Variants in POU2F1 observed in about 807,000 individuals in gnomAD.
POU2F1 encodes the protein POU class 2 homeobox 1.
Under a neutral mutation model 84.9 loss-of-function variants are expected in POU2F1, and 16 were observed. That is an observed-to-expected ratio of 0.19 (90% CI 0.13 to 0.29). POU2F1 has a LOEUF of 0.29. Among genes scored for constraint, POU2F1 ranks in the 10% least tolerant of loss-of-function variants. The pLI, the probability that POU2F1 is intolerant of heterozygous loss-of-function variation, is 1.00. For synonymous variants in POU2F1, 368 were observed against 368.3 expected (o/e 1.00, Z 0.01); for missense variants, 738 against 942.6 (o/e 0.78, Z 2.84).
In POU2F1 at chr1:167,287,356, C is replaced by G. The variant is rs191645364; in HGVS notation, c.62-45114C>G. On this transcript the variant is annotated intron_variant, in intron 1 of 15. Transcript: ENST00000367866. ...ACTGGAGCAGAGGCAAATATATGGCCTTTCTGAAGGAATGTGCTTTCAACA... is the reference window on the plus strand; with the variant it reads ...ACTGGAGCAGAGGCAAATATATGGCGTTTCTGAAGGAATGTGCTTTCAACA... Among the ~76,000 whole-genome samples the G allele has an allele frequency of 6.6e-3, 1,009 of 152,296 alleles. 5 individuals are homozygous for G. Among genetic ancestry groups the G allele is most frequent in the Middle Eastern group, 0.014 (4 of 294 alleles).
rs75351126 is a variant in POU2F1, at chr1:167,276,400, C to A, written c.61+55442C>A. Among the ~76,000 whole-genome samples the A allele has an allele frequency of 1.6e-4, 24 of 152,090 alleles. No homozygotes were observed. In the East Asian group the frequency reaches 2.9e-3, roughly 18 times the overall value. On this transcript the variant is annotated intron_variant, in intron 1 of 15. Transcript: ENST00000367866. Reference sequence around the variant, plus strand: ...TTATTATAACTTCTATTTTATTATTCTTATTGTTAATCTTACTATGCCTAA... The same window carrying A: ...TTATTATAACTTCTATTTTATTATTATTATTGTTAATCTTACTATGCCTAA...
At chr1:167,234,277 G>C (rs991804411) in intron 1 of POU2F1, among the ~76,000 whole-genome samples, 1 of 152,138 alleles carries the variant, frequency 6.6e-6, no homozygotes, top group Non-Finnish European at 1.5e-5. Flanking sequence ...TCTTATCTCT[G>C]TATTGCATTT....
At chr1:167,240,665 C>G (rs558916075) in intron 1 of POU2F1, among the ~76,000 whole-genome samples, 5 of 152,252 alleles carry the variant, frequency 3.3e-5, no homozygotes, top group South Asian at 4.1e-4. Flanking sequence ...TTTTAATTCA[C>G]TTTTTCTTGT....
intron 1 of POU2F1, among the ~76,000 whole-genome samples, chr1:167,299,138 G>A (rs1489183313): frequency 7.2e-6 from 1 of 138,404 alleles, no homozygotes; most frequent in Admixed American, 7.9e-5. Flanking sequence ...ACTCCAGCCT[G>A]GACAACAAGA....
At chr1:167,376,292 T>G (rs1027678052) in intron 7 of POU2F1, 137 bp downstream of exon 7, 11 of 1,132,616 alleles carry the variant, frequency 9.7e-6, no homozygotes, top group South Asian at 5.4e-5. Flanking sequence ...TTATAAACTT[T>G]CGTTTAAAAA....
chr1:167,305,838 A>G (rs769081312), intron 1 of POU2F1, among the ~76,000 whole-genome samples: 1 of 152,194 alleles, frequency 6.6e-6, no homozygotes, highest in Non-Finnish European at 1.5e-5. Context: ...GTACACTTCT[A>G]CCACTCATCC....
chr1:167,267,083 T>C (rs889081885), intron 1 of POU2F1, among the ~76,000 whole-genome samples: 1 of 152,118 alleles, frequency 6.6e-6, no homozygotes, highest in Non-Finnish European at 1.5e-5. Context: ...AGTATTGTGA[T>C]CAGTATTATT....
At chr1:167,313,420 A>C (rs1655638941) in intron 1 of POU2F1, among the ~76,000 whole-genome samples, 2 of 152,330 alleles carry the variant, frequency 1.3e-5, no homozygotes, top group South Asian at 4.1e-4. Context: ...CCCCAATTTC[A>C]AGACTTATTA....
At chr1:167,388,850 T>C (rs181729049) in intron 8 of POU2F1, among the ~76,000 whole-genome samples, 15 of 152,292 alleles carry the variant, frequency 9.8e-5, no homozygotes, top group Admixed American at 9.2e-4. Flanking sequence ...AGAGAGTATG[T>C]GTGCCTGTGC....
intron 1 of POU2F1, among the ~76,000 whole-genome samples, chr1:167,260,039 C>T (rs949158848): frequency 1.1e-4 from 17 of 152,112 alleles, no homozygotes; most frequent in African/African-American, 4.1e-4. Flanking sequence ...CCACCACGCC[C>T]GGCAAATTTT....
intron 2 of POU2F1, among the ~76,000 whole-genome samples, chr1:167,339,089 C>T (rs1657666763): frequency 6.6e-6 from 1 of 152,112 alleles, no homozygotes; most frequent in Admixed American, 6.5e-5. Context: ...AGACCACCTG[C>T]ACTCCTTGGC....
chr1:167,263,132 C>T (rs1651689123), intron 1 of POU2F1, among the ~76,000 whole-genome samples: 2 of 152,256 alleles, frequency 1.3e-5, no homozygotes, highest in East Asian at 1.9e-4. Context: ...ATAACTAAAA[C>T]AAATGTAAGC....
rs1471533012 is a variant in POU2F1 at position 167,425,354 on chromosome 1, G to A, written c.*9544G>A. The A allele has an allele frequency of 1.3e-5, 2 of 152,258 alleles. No individual in the cohort carries two copies. Among genetic ancestry groups the A allele is most frequent in the African/African-American group, 4.8e-5 (2 of 41,462 alleles). 9.4% of individuals were successfully genotyped at this position (152,258 alleles called of 1,614,324 possible). A position where few individuals can be genotyped will look rare whatever the true frequency, so the allele number is the denominator to read the frequency against. The stretch of plus-strand genomic sequence containing the variant: ...GAAGTCTTCAGCATCAGTCCAGTCT[G>A]TGGTGTCCTGGCACTTAGAAGAGTG... On this transcript the variant is annotated 3_prime_UTR_variant, in exon 16 of 16. Coordinates refer to ENST00000367866, the MANE Select transcript of POU2F1 (RefSeq NM_002697.4).
intron 1 of POU2F1, among the ~76,000 whole-genome samples, chr1:167,307,638 T>C (rs1655166952): frequency 6.6e-6 from 1 of 152,196 alleles, no homozygotes; most frequent in South Asian, 2.1e-4. Context: ...TGATGCTCTG[T>C]CACCCCCAAC....
intron 1 of POU2F1, among the ~76,000 whole-genome samples, chr1:167,251,821 A>C (rs1160968197): frequency 2.0e-5 from 3 of 151,146 alleles, no homozygotes; most frequent in African/African-American, 7.3e-5. Flanking sequence ...AATTCAGCTC[A>C]CTGTATTTTT....
chr1:167,310,994 T>C (rs1459603070), intron 1 of POU2F1, among the ~76,000 whole-genome samples: 1 of 152,024 alleles, frequency 6.6e-6, no homozygotes, highest in Non-Finnish European at 1.5e-5. Flanking sequence ...CTCAGGGACC[T>C]TTAGGACTAC....
chr1:167,410,185 G>A (rs1649856281), intron 13 of POU2F1, among the ~76,000 whole-genome samples: 1 of 152,172 alleles, frequency 6.6e-6, no homozygotes. Context: ...GTAGACAGAG[G>A]AAGAAAGCCT....
intron 3 of POU2F1, among the ~76,000 whole-genome samples, chr1:167,369,896 G>A (rs552797359): frequency 6.6e-6 from 1 of 152,180 alleles, no homozygotes; most frequent in South Asian, 2.1e-4. Flanking sequence ...CAATACAAGT[G>A]TGGCATGGCT....
chr1:167,247,494 T>G (rs1650422062), intron 1 of POU2F1, among the ~76,000 whole-genome samples: 1 of 152,208 alleles, frequency 6.6e-6, no homozygotes, highest in Non-Finnish European at 1.5e-5. Flanking sequence ...CATCCAAAGC[T>G]TCTTTTTGTT....
Sources: allele counts gnomAD v4.1 joint callset (sites outside exome capture counted in the v4.1 genomes callset), GRCh38; gene constraint gnomAD v4.1.1; transcripts MANE v1.5; gene names NCBI Gene and HGNC (gene_info 2026-07-23, HGNC 2026-07-21).